The following ZFHX3 variants were observed in gnomAD, a reference collection of about 807,000 sequenced individuals.
ZFHX3 encodes the protein zinc finger homeobox 3.
ZFHX3 carries 42 observed loss-of-function variants against 279.1 expected under a neutral mutation model. The ratio of observed to expected loss-of-function variants is 0.15; its 90% CI spans 0.12 to 0.19. The LOEUF is 0.19. Ranked by LOEUF, ZFHX3 falls within the 10% of genes least tolerant of loss-of-function variation. The pLI is 1.00. For missense variants in ZFHX3, 4,981 were observed against 4,754.0 expected (o/e 1.05, Z -1.40); for synonymous variants, 2,293 against 1,957.8 (o/e 1.17, Z -4.52).
chr16:72,870,673 G>A (rs1451388486), intron 4 of ZFHX3, among the ~76,000 whole-genome samples: 1 of 131,764 alleles, frequency 7.6e-6, no homozygotes, highest in East Asian at 2.3e-4. Context: ...AGCCGAGATC[G>A]CACCACTGCA....
chr16:73,750,231 G>A (rs328333), intron 1 of ZFHX3, among the ~76,000 whole-genome samples: 8,244 of 152,176 alleles, frequency 0.054, 334 homozygotes, highest in African/African-American at 0.11. Flanking sequence ...TTTTTGTATC[G>A]TCCCAGGAAG....
At chr16:73,460,250 C>T (rs1469115972) in intron 2 of ZFHX3, among the ~76,000 whole-genome samples, 1 of 152,070 alleles carries the variant, frequency 6.6e-6, no homozygotes, top group Non-Finnish European at 1.5e-5. Flanking sequence ...TTTTTTCACT[C>T]AGCGTAATTC....
chr16:73,856,207 A>G (rs889358823), intron 1 of ZFHX3, among the ~76,000 whole-genome samples: 1 of 152,210 alleles, frequency 6.6e-6, no homozygotes, highest in African/African-American at 2.4e-5. Context: ...GGCAGTGACT[A>G]CGTGTAGGTG....
At chr16:73,168,241 T>TTCTTTCTTTCTC in intron 5 of ZFHX3, among the ~76,000 whole-genome samples, 1 of 145,532 alleles carries the variant, frequency 6.9e-6, no homozygotes, top group Non-Finnish European at 1.5e-5. Flanking sequence ...CTTTCTTTCT[T>TTCTTTCTTTCTC]TCTTTCTTTC....
At chr16:73,098,522 C>T (rs1427517484) in intron 7 of ZFHX3, among the ~76,000 whole-genome samples, 3 of 152,108 alleles carry the variant, frequency 2.0e-5, no homozygotes, top group Non-Finnish European at 4.4e-5. Flanking sequence ...CCACCACACC[C>T]GGATAATTTT....
intron 1 of ZFHX3, among the ~76,000 whole-genome samples, chr16:73,054,442 ATTTTTTT>A (rs34141418): frequency 0.012 from 1,115 of 91,900 alleles, 12 homozygotes; most frequent in Non-Finnish European, 0.016. Flanking sequence ...AACCAGGAGG[ATTTTTTT>A]TTTTTTTTTT....
At chr16:73,861,299 T>C (rs1346010660) in intron 1 of ZFHX3, among the ~76,000 whole-genome samples, 1 of 152,146 alleles carries the variant, frequency 6.6e-6, no homozygotes, top group African/African-American at 2.4e-5. Context: ...AATTTCACTC[T>C]CAGAATCAAA....
intron 5 of ZFHX3, among the ~76,000 whole-genome samples, chr16:73,159,307 C>T (rs550987067): frequency 1.1e-4 from 17 of 152,318 alleles, no homozygotes; most frequent in East Asian, 1.9e-4. Flanking sequence ...AAAATGGTCA[C>T]GCATTTTTCT....
At chr16:73,223,652 T>C (rs960310212) in intron 5 of ZFHX3, among the ~76,000 whole-genome samples, 6 of 152,208 alleles carry the variant, frequency 3.9e-5, no homozygotes, top group Non-Finnish European at 8.8e-5. Flanking sequence ...AACCATTTCT[T>C]ACAAAATTAA....
chr16:73,250,668 G>C (rs1241031531), intron 5 of ZFHX3, among the ~76,000 whole-genome samples: 1 of 151,916 alleles, frequency 6.6e-6, no homozygotes, highest in African/African-American at 2.4e-5. Flanking sequence ...CAAGTAGTTG[G>C]GACTACAGGT....
At chr16:73,870,605 G>C (rs377465163) in intron 1 of ZFHX3, among the ~76,000 whole-genome samples, 2 of 152,134 alleles carry the variant, frequency 1.3e-5, no homozygotes, top group African/African-American at 4.8e-5. Flanking sequence ...TTTGCAAAGC[G>C]TCTGAGAGCA....
chr16:73,093,642 T>TC (rs1276774407), intron 7 of ZFHX3: 1 of 482,728 alleles, frequency 2.1e-6, no homozygotes, highest in African/African-American at 2.0e-5. Context: ...ACTCGGCCTC[T>TC]CCCCACAGAA....
At chr16:73,169,230 T>C (rs1408719909) in intron 5 of ZFHX3, among the ~76,000 whole-genome samples, 1 of 152,296 alleles carries the variant, frequency 6.6e-6, no homozygotes, top group East Asian at 1.9e-4. Context: ...CCTTGAGTCA[T>C]GCTAGGTGGT....
chr16:73,816,809 C>A (rs941791886), intron 1 of ZFHX3, among the ~76,000 whole-genome samples: 1 of 152,146 alleles, frequency 6.6e-6, no homozygotes, highest in Non-Finnish European at 1.5e-5. Flanking sequence ...AGAGTAGGCA[C>A]AAGCCAGAGA....
At chr16:72,880,650 T>G (rs1283131843) in intron 4 of ZFHX3, among the ~76,000 whole-genome samples, 2 of 152,190 alleles carry the variant, frequency 1.3e-5, no homozygotes, top group African/African-American at 4.8e-5. Context: ...TTTGATAAAA[T>G]TTTGGGTTGA....
chr16:72,949,911 CTTTTTTT>C (rs774934563), intron 3 of ZFHX3, among the ~76,000 whole-genome samples: 9 of 116,058 alleles, frequency 7.8e-5, no homozygotes, highest in Non-Finnish European at 1.2e-4. Context: ...ATTTTCTTTT[CTTTTTTT>C]TTTTTTTTTT....
intron 1 of ZFHX3, among the ~76,000 whole-genome samples, chr16:73,889,946 G>A (rs1011011487): frequency 1.3e-5 from 2 of 152,086 alleles, no homozygotes; most frequent in African/African-American, 2.4e-5. Context: ...AGTTGCTTTG[G>A]ATTTTCTTTT....
intron 2 of ZFHX3, among the ~76,000 whole-genome samples, chr16:73,587,510 T>C (rs1009010040): frequency 6.6e-6 from 1 of 152,200 alleles, no homozygotes; most frequent in Admixed American, 6.5e-5. Flanking sequence ...GCAACCCGCG[T>C]TGGCTGTTAC....
intron 5 of ZFHX3, among the ~76,000 whole-genome samples, chr16:73,212,722 C>G (rs771126697): frequency 6.6e-6 from 1 of 152,100 alleles, no homozygotes; most frequent in Non-Finnish European, 1.5e-5. Context: ...CTATGTGACT[C>G]GTGACTCTAA....
Sources: gnomAD v4.1 joint callset for allele counts (sites outside exome capture counted in the v4.1 genomes callset) on GRCh38, gnomAD v4.1.1 for gene constraint, MANE v1.5 for transcripts, NCBI Gene and HGNC (gene_info 2026-07-23, HGNC 2026-07-21) for gene names.